Variants in VIPR2 observed in about 807,000 individuals in gnomAD.
The protein encoded by VIPR2 is vasoactive intestinal peptide receptor 2.
In VIPR2, 48 loss-of-function variants were observed where a neutral mutation model predicts 58.0. The ratio of observed to expected loss-of-function variants is 0.83; its 90% CI spans 0.66 to 1.05. VIPR2 has a LOEUF of 1.05. Ranked by LOEUF, VIPR2 falls within the 50% of genes least tolerant of loss-of-function variation. The probability of loss-of-function intolerance (pLI) is 0.00; values close to 1 mark genes in which losing one functional copy is unlikely to be tolerated. For synonymous variants in VIPR2, 243 were observed against 235.2 expected, an observed-to-expected ratio of 1.03 and a Z score of -0.30; for missense variants, 534 against 558.0, an observed-to-expected ratio of 0.96 and a Z score of 0.43.
chr7:159,136,911 C>T (rs1311299961), intron 2 of VIPR2, among the ~76,000 whole-genome samples: 1 of 152,074 alleles, frequency 6.6e-6, no homozygotes, highest in African/African-American at 2.4e-5. Flanking sequence ...CTGAGGACAC[C>T]CAGGCATACC....
At chr7:159,103,583 C>T (rs536035054) in intron 4 of VIPR2, among the ~76,000 whole-genome samples, 174 bp downstream of exon 4, 178 of 152,284 alleles carry the variant, frequency 1.2e-3, no homozygotes, top group Non-Finnish European at 2.1e-3. Flanking sequence ...TCCCAAGTGC[C>T]AGCAGCAGAA....
In VIPR2 at chr7:159,097,104, G is replaced by T. The variant is rs1159942852; in HGVS notation, c.357+6653C>A. 2 of 1,503,364 alleles carry T rather than the reference G, an allele frequency of 1.3e-6. No homozygotes were observed. The highest frequency in any genetic ancestry group is 5.0e-5 in the East Asian group (2 of 40,294). 93.1% of individuals were successfully genotyped at this position (1,503,364 alleles called of 1,614,324 possible). Reference sequence around the variant, plus strand: ...GTGTGTCCTTGCAGGGTTGCAGGAGGGTTGGCGGGATGATCAGATGGTGCC... The same window carrying T: ...GTGTGTCCTTGCAGGGTTGCAGGAGTGTTGGCGGGATGATCAGATGGTGCC... On this transcript the variant is annotated intron_variant, in intron 4 of 12. Transcript: ENST00000262178. The surrounding 1 kb of genome is among the most constrained non-coding windows in gnomAD (Gnocchi z 5.3).
chr7:159,116,573 C>T (rs149499600), intron 2 of VIPR2, among the ~76,000 whole-genome samples: 73 of 152,290 alleles, frequency 4.8e-4, no homozygotes, highest in African/African-American at 1.6e-3. Context: ...TCAGCTTAGT[C>T]TCCTGAAAAA....
chr7:159,052,594 G>A (rs1294328924), intron 5 of VIPR2, among the ~76,000 whole-genome samples: 1 of 152,114 alleles, frequency 6.6e-6, no homozygotes, highest in Non-Finnish European at 1.5e-5. Context: ...TGACTCATGG[G>A]AAAGGAAAAC....
In VIPR2 at chr7:159,144,852, G is replaced by A; in HGVS notation, c.-81C>T. On this transcript the variant is annotated 5_prime_UTR_variant, in exon 1 of 13. Transcript: ENST00000262178. ...CCGCGGTTCCGCCGCCTCCAGCATG[G>A]GCCGGGAGCGAGTGCGCGGAGACCT... is the stretch of plus-strand genomic sequence containing the variant. The A allele has an allele frequency of 8.3e-7, 1 of 1,201,546 alleles. No homozygotes were observed. Among genetic ancestry groups the A allele is most frequent in the South Asian group, 4.2e-5 (1 of 23,870 alleles). The allele number at this position is 1,201,546 out of a possible 1,614,324, so 74.4% of individuals were successfully genotyped here. A position where few individuals can be genotyped will look rare whatever the true frequency, so the allele number is the denominator to read the frequency against.
At chr7:159,033,598 G>A (rs1853724117) in intron 10 of VIPR2, among the ~76,000 whole-genome samples, 1 of 152,150 alleles carries the variant, frequency 6.6e-6, no homozygotes, top group Non-Finnish European at 1.5e-5. Flanking sequence ...CTGAACGTCT[G>A]CCCTGTCTTC....
At chr7:159,092,307 G>A (rs1020961483) in intron 4 of VIPR2, among the ~76,000 whole-genome samples, 5 of 152,152 alleles carry the variant, frequency 3.3e-5, no homozygotes, top group African/African-American at 4.8e-5. Context: ...TGACAGGAGC[G>A]GGTCTTACCC....
chr7:159,108,559 T>A (rs1795863347), intron 3 of VIPR2, among the ~76,000 whole-genome samples: 1 of 152,198 alleles, frequency 6.6e-6, no homozygotes, highest in Non-Finnish European at 1.5e-5. Context: ...CAAAGCCAAC[T>A]GGGAGTTTTC....
intron 4 of VIPR2, among the ~76,000 whole-genome samples, chr7:159,083,120 C>T (rs895043217): frequency 1.3e-5 from 2 of 152,182 alleles, no homozygotes; most frequent in African/African-American, 4.8e-5. Context: ...CTGGTCCCAC[C>T]TGTCCTACCT....
intron 2 of VIPR2, among the ~76,000 whole-genome samples, chr7:159,139,718 T>C (rs1027382024): frequency 6.6e-5 from 10 of 152,322 alleles, no homozygotes; most frequent in African/African-American, 2.4e-4. Context: ...CCAGAACACA[T>C]AGAGACCACC....
At chr7:159,073,778 C>T (rs1856514820) in intron 4 of VIPR2, among the ~76,000 whole-genome samples, 1 of 152,152 alleles carries the variant, frequency 6.6e-6, no homozygotes, top group Non-Finnish European at 1.5e-5. Context: ...CTTTCAGGCA[C>T]AGGCAGTGCC....
rs1857991141 is a variant in VIPR2 at position 159,098,320 on chromosome 7, G to A, written c.357+5437C>T. 6.6e-6 allele frequency among the ~76,000 whole-genome samples: 1 copy of A among 152,164 alleles called. No individual in the cohort carries two copies. Among genetic ancestry groups the A allele is most frequent in the African/African-American group, 2.4e-5 (1 of 41,452 alleles). On this transcript the variant is annotated intron_variant, in intron 4 of 12. Coordinates refer to ENST00000262178, the MANE Select transcript of VIPR2 (RefSeq NM_003382.5). This position sits in a 1 kb window ranked among gnomAD's most constrained non-coding sequence, Gnocchi z 5.2. ...TCGAGAACTGTGGCTTACAGTGCGG[G>A]TGGGCAAGCGGAGAGGAGCAGCTGT...
chr7:159,034,145 A>G, intron 10 of VIPR2, 68 bp downstream of exon 10: 1 of 1,524,264 alleles, frequency 6.6e-7, no homozygotes, highest in Non-Finnish European at 9.0e-7. Flanking sequence ...CCTTCCTGGC[A>G]GCGTGGGGGT....
Position 159,036,145 on chromosome 7 carries a change from CTT to C in VIPR2, c.749-135_749-134del, listed in dbSNP as rs878878371. On this transcript the variant is annotated intron_variant, in intron 7 of 12. Coordinates refer to ENST00000262178, the MANE Select transcript of VIPR2 (RefSeq NM_003382.5). The stretch of plus-strand genomic sequence containing the variant: ...TTAAGTGCAATCTCTTGTTTAAAGT[CTT>C]TGTAAATATTTACAAGTTTATGCTC... 1.5e-5 allele frequency: 17 copies of C among 1,108,056 alleles called. No individual in the cohort carries two copies. The South Asian group carries it at 3.0e-4, about 20-fold the overall frequency. The allele number at this position is 1,108,056 out of a possible 1,614,324, so 68.6% of individuals were successfully genotyped here.
At chr7:159,037,317 A>G (rs1357325710) in intron 6 of VIPR2, among the ~76,000 whole-genome samples, 1 of 152,096 alleles carries the variant, frequency 6.6e-6, no homozygotes, top group Non-Finnish European at 1.5e-5. Context: ...AAGAACCAGA[A>G]GAGCCGGCAG....
At chr7:159,054,625 C>A (rs576887828) in intron 5 of VIPR2, among the ~76,000 whole-genome samples, 2 of 152,182 alleles carry the variant, frequency 1.3e-5, no homozygotes, top group Non-Finnish European at 2.9e-5. Context: ...TTATTACAGA[C>A]GCACAAGAAT....
At chr7:159,140,179 C>T (rs1403875428) in intron 2 of VIPR2, among the ~76,000 whole-genome samples, 3 of 151,898 alleles carry the variant, frequency 2.0e-5, no homozygotes, top group African/African-American at 7.3e-5. Flanking sequence ...ATTTTTTTCA[C>T]CTCATTTCTG....
At chr7:159,144,403 G>T (rs1485536114) in intron 1 of VIPR2, 1 of 1,546,722 alleles carries the variant, frequency 6.5e-7, no homozygotes, top group Non-Finnish European at 8.7e-7. Context: ...CAGCTCCCGG[G>T]ACGGCCCCGA....
chr7:159,038,865 A>C (rs1563261348), intron 6 of VIPR2, among the ~76,000 whole-genome samples: 1 of 152,256 alleles, frequency 6.6e-6, no homozygotes, highest in Non-Finnish European at 1.5e-5. Context: ...TTGACAAATC[A>C]TGAATCTGGA....
Sources: allele counts gnomAD v4.1 joint callset (sites outside exome capture counted in the v4.1 genomes callset), GRCh38; gene constraint gnomAD v4.1.1; non-coding constraint Gnocchi (gnomAD v3.1); transcripts MANE v1.5; gene names NCBI Gene and HGNC (gene_info 2026-07-23, HGNC 2026-07-21).